OGDH: variants seen among roughly 807,000 people sequenced by gnomAD.
OGDH encodes oxoglutarate dehydrogenase.
A neutral mutation model predicts 116.6 loss-of-function variants in OGDH; 38 were observed. The observed-to-expected ratio is 0.33, with a 90% CI of 0.25 to 0.43. The LOEUF is 0.43. Among genes scored for constraint, OGDH ranks in the 20% least tolerant of loss-of-function variants. OGDH has a pLI of 1.00. For missense variants in OGDH, 825 were observed against 1,357.2 expected, an observed-to-expected ratio of 0.61 and a Z score of 6.16; for synonymous variants, 488 against 533.3, an observed-to-expected ratio of 0.92 and a Z score of 1.17.
At position 44,610,295 on chromosome 7, in the gene OGDH, G is replaced by GT. The variant is rs112204405; in HGVS notation, c.-28+3652dup. On this transcript the variant is annotated intron_variant, in intron 1 of 22. Coordinates refer to ENST00000222673, the MANE Select transcript of OGDH (RefSeq NM_002541.4). ...GTCAGCAGCATGTCTTTTCATCTTG[G>GT]TTTTTTTTTTGTTTGTTTGTTTGTT... Among the ~76,000 whole-genome samples the GT allele has an allele frequency of 1.8e-3, 265 of 148,608 alleles. 1 individual carries two copies. Among genetic ancestry groups the GT allele is most frequent in the African/African-American group, 5.3e-3 (214 of 40,706 alleles).
At chr7:44,682,788 G>A (rs1300676583) in intron 10 of OGDH, among the ~76,000 whole-genome samples, 1 of 152,076 alleles carries the variant, frequency 6.6e-6, no homozygotes, top group East Asian at 1.9e-4. Flanking sequence ...GGGAGGTCGA[G>A]GCTGCAGTGA....
chr7:44,618,651 C>A (rs1020339844), intron 1 of OGDH, among the ~76,000 whole-genome samples: 3 of 152,164 alleles, frequency 2.0e-5, no homozygotes, highest in African/African-American at 7.2e-5. Flanking sequence ...TCTTTTGTTA[C>A]AATGTTGGGG....
intron 19 of OGDH, 102 bp from the exon 20 acceptor site, chr7:44,701,441 T>C: frequency 1.0e-6 from 1 of 961,662 alleles, no homozygotes; most frequent in East Asian, 2.5e-5. Flanking sequence ...GGCAGGTGTG[T>C]TTCATGGCCT....
intron 1 of OGDH, among the ~76,000 whole-genome samples, chr7:44,613,834 T>C (rs984620095): frequency 2.2e-5 from 3 of 136,800 alleles, no homozygotes; most frequent in African/African-American, 8.0e-5. Flanking sequence ...AAGATGGCAT[T>C]TTGCTGTTGT....
Position 44,674,307 on chromosome 7 carries a change from G to C in OGDH, c.789-104G>C, listed in dbSNP as rs1309236941. 8.4e-6 allele frequency: 12 copies of C among 1,430,770 alleles called. No individual in the cohort carries two copies. In the East Asian group the frequency reaches 2.8e-4, roughly 33 times the overall value. 88.6% of individuals were successfully genotyped at this position (1,430,770 alleles called of 1,614,324 possible). A position where few individuals can be genotyped will look rare whatever the true frequency, so the allele number is the denominator to read the frequency against. On this transcript the variant is annotated intron_variant, in intron 6 of 22. Transcript: ENST00000222673. ...TGATCTGCCCACCTCGGCCTCCCAA[G>C]GTGCTGGGATTACAGGTGTGAGCCT...
At chr7:44,673,766 G>T (rs375150420) in intron 5 of OGDH, 21 bp from the exon 6 acceptor site, 8 of 1,613,858 alleles carry the variant, frequency 5.0e-6, no homozygotes, top group Non-Finnish European at 6.8e-6. Context: ...CCCCTTGACT[G>T]TGTGTTTCTG....
At chr7:44,672,611 G>A (rs1443901617) in intron 5 of OGDH, among the ~76,000 whole-genome samples, 1 of 151,878 alleles carries the variant, frequency 6.6e-6, no homozygotes, top group African/African-American at 2.4e-5. Flanking sequence ...ACCAGGATGA[G>A]GGCAGCCCGA....
At position 44,697,982 on chromosome 7, in the gene OGDH, C is replaced by T. The variant is rs141693589; in HGVS notation, c.2358+200C>T. ...CTGGATGTGGCTAGCATGCCCCGTC[C>T]CTGCTGGTGCAGACTCCCTAGATGC... On this transcript the variant is annotated intron_variant, in intron 17 of 22. Transcript: ENST00000222673. The surrounding 1 kb of genome is among the most constrained non-coding windows in gnomAD (Gnocchi z 6.0). Among the ~76,000 whole-genome samples, 2 of 152,326 alleles carry T rather than the reference C, an allele frequency of 1.3e-5. No homozygotes were observed. The highest frequency in any genetic ancestry group is 2.9e-5 in the Non-Finnish European group (2 of 68,042).
At chr7:44,701,716 C>T (rs1562690431) in intron 20 of OGDH, 101 bp downstream of exon 20, 1 of 1,192,496 alleles carries the variant, frequency 8.4e-7, no homozygotes, top group Admixed American at 1.9e-5. Flanking sequence ...TTGTGATTCT[C>T]ACTGGCTCTT....
intron 1 of OGDH, among the ~76,000 whole-genome samples, chr7:44,610,042 C>G (rs893532526): frequency 6.6e-6 from 1 of 151,962 alleles, no homozygotes; most frequent in African/African-American, 2.4e-5. Flanking sequence ...TCTTGAACTC[C>G]TGGGATCAAG....
At chr7:44,649,056 C>T (rs1786318894) in intron 4 of OGDH, among the ~76,000 whole-genome samples, 1 of 152,000 alleles carries the variant, frequency 6.6e-6, no homozygotes. Context: ...GCCTCTCCAG[C>T]CCCCAGAGAC....
chr7:44,609,834 A>G (rs958846235), intron 1 of OGDH, among the ~76,000 whole-genome samples: 1 of 152,198 alleles, frequency 6.6e-6, no homozygotes, highest in Admixed American at 6.5e-5. Flanking sequence ...GTTTCTCCAC[A>G]TACTTGCCAG....
intron 4 of OGDH, among the ~76,000 whole-genome samples, chr7:44,651,734 G>T (rs914624702): frequency 1.4e-5 from 2 of 147,634 alleles, no homozygotes; most frequent in Non-Finnish European, 3.0e-5. Flanking sequence ...GCTAATTTTT[G>T]TATTTTTAGT....
At chr7:44,611,476 T>C (rs1036368674) in intron 1 of OGDH, among the ~76,000 whole-genome samples, 13 of 151,858 alleles carry the variant, frequency 8.6e-5, no homozygotes, top group Non-Finnish European at 1.3e-4. Flanking sequence ...GGGGTTTCAC[T>C]GTGTTACCCA....
In OGDH at chr7:44,614,232, CT is replaced by C. The variant is rs751896865; in HGVS notation, c.-28+7594del. 8.1e-3 allele frequency among the ~76,000 whole-genome samples: 1,099 copies of C among 136,042 alleles called. 10 individuals are homozygous for C. The highest frequency in any genetic ancestry group is 0.023 in the African/African-American group (845 of 37,130). 89.2% of individuals were successfully genotyped at this position (136,042 alleles called of 152,430 possible). Reference sequence around the variant, plus strand: ...CTCCCAAAGTGCTGGGATTACAGGCCTTTTTTTTTTTTTTTCTTGTGTATAA... The same window carrying C: ...CTCCCAAAGTGCTGGGATTACAGGCCTTTTTTTTTTTTTTCTTGTGTATAA... On this transcript the variant is annotated intron_variant, in intron 1 of 22. Transcript: ENST00000222673.
At chr7:44,686,415 T>G (rs1213378107) in intron 10 of OGDH, among the ~76,000 whole-genome samples, 1 of 152,210 alleles carries the variant, frequency 6.6e-6, no homozygotes, top group Non-Finnish European at 1.5e-5. Context: ...ACCATATAGT[T>G]TGCTAATGAT....
chr7:44,673,684 C>CTCCT, intron 5 of OGDH, 103 bp from the exon 6 acceptor site: 1 of 1,152,900 alleles, frequency 8.7e-7, no homozygotes, highest in Non-Finnish European at 1.3e-6. Context: ...CAGAACAAGC[C>CTCCT]TCCTGCTTAT....
chr7:44,672,096 A>T (rs113421863), intron 5 of OGDH, among the ~76,000 whole-genome samples: 2,382 of 147,132 alleles, frequency 0.016, 26 homozygotes, highest in Middle Eastern at 0.028. Flanking sequence ...TTAATTAATT[A>T]AAAAAAAAAC....
intron 3 of OGDH, 62 bp from the exon 4 acceptor site, chr7:44,647,595 C>T: frequency 6.3e-7 from 1 of 1,585,314 alleles, no homozygotes; most frequent in East Asian, 2.2e-5. Context: ...TACCCCTTCC[C>T]TCTTTTTTTT....
Sources: allele counts gnomAD v4.1 joint callset (sites outside exome capture counted in the v4.1 genomes callset), GRCh38; gene constraint gnomAD v4.1.1; non-coding constraint Gnocchi (gnomAD v3.1); transcripts MANE v1.5; gene names NCBI Gene and HGNC (gene_info 2026-07-23, HGNC 2026-07-21).